The following BNC2 variants were observed in gnomAD, a reference collection of about 807,000 sequenced individuals.
The protein encoded by BNC2 is zinc finger protein basonuclin-2.
In BNC2, 20 loss-of-function variants were observed where a neutral mutation model predicts 76.3. That is an observed-to-expected ratio of 0.26 (90% CI 0.18 to 0.38). The LOEUF (loss-of-function observed/expected upper bound fraction) is 0.38, where lower values mean the gene tolerates loss of function less well. Among genes scored for constraint, BNC2 ranks in the 10% least tolerant of loss-of-function variants. The pLI is 1.00. For missense variants in BNC2, 1,382 were observed against 1,399.8 expected (o/e 0.99, Z 0.20); for synonymous variants, 582 against 514.8 (o/e 1.13, Z -1.77).
intron 1 of BNC2, among the ~76,000 whole-genome samples, chr9:16,834,199 A>AG (rs1352305253): frequency 1.3e-5 from 2 of 151,480 alleles, no homozygotes; most frequent in South Asian, 2.1e-4. Flanking sequence ...GGCCAGTCAA[A>AG]AAAAAAATCC....
In BNC2 at chr9:16,418,688, G is replaced by GTGTGTA. The variant is rs1247302842; in HGVS notation, c.*300_*301insTACACA. The GTGTGTA allele has an allele frequency of 3.0e-6, 1 of 337,450 alleles. No homozygotes were observed. Among genetic ancestry groups the GTGTGTA allele is most frequent in the South Asian group, 2.9e-5 (1 of 34,384 alleles). 20.9% of individuals were successfully genotyped at this position (337,450 alleles called of 1,614,324 possible). ...ACTGTGTGTGTGTGTGTGTGTGTGT[G>GTGTGTA]TGTATGTGCATGTGTGTGTGTGTGT... is the stretch of plus-strand genomic sequence containing the variant. On this transcript the variant is annotated 3_prime_UTR_variant, in exon 7 of 7. Coordinates refer to ENST00000380672, the MANE Select transcript of BNC2 (RefSeq NM_017637.6).
chr9:16,767,735 T>C (rs541239630), intron 1 of BNC2, among the ~76,000 whole-genome samples: 2 of 152,312 alleles, frequency 1.3e-5, no homozygotes, highest in East Asian at 1.9e-4. Flanking sequence ...AACAGTATAA[T>C]AGCCCCTCTG....
chr9:16,530,893 C>G (rs568868278), intron 5 of BNC2, among the ~76,000 whole-genome samples: 1 of 152,236 alleles, frequency 6.6e-6, no homozygotes, highest in East Asian at 1.9e-4. Flanking sequence ...TGCAGCAGGG[C>G]TCACGGTGCC....
chr9:16,785,190 T>A (rs1360382903), intron 1 of BNC2, among the ~76,000 whole-genome samples: 5 of 152,212 alleles, frequency 3.3e-5, no homozygotes, highest in Non-Finnish European at 7.3e-5. Context: ...TCCACATTTA[T>A]GCTCTCATTG....
intron 1 of BNC2, among the ~76,000 whole-genome samples, chr9:16,829,968 A>G (rs75403906): frequency 0.017 from 2,553 of 152,276 alleles, 83 homozygotes; most frequent in African/African-American, 0.059. Context: ...TTCTACTCCA[A>G]TCATTTGTAG....
intron 5 of BNC2, among the ~76,000 whole-genome samples, chr9:16,525,022 GT>G (rs1331806341): frequency 6.7e-6 from 1 of 149,334 alleles, no homozygotes; most frequent in African/African-American, 2.4e-5. Context: ...GCAGTGAGCT[GT>G]GATAGCGCCA....
At chr9:16,658,332 G>A (rs1262902490) in intron 3 of BNC2, among the ~76,000 whole-genome samples, 1 of 152,038 alleles carries the variant, frequency 6.6e-6, no homozygotes. Flanking sequence ...GTAAGGGAGA[G>A]GGGGAAAAAA....
chr9:16,842,439 T>C lies in BNC2; in HGVS notation c.3+28207A>G, dbSNP rs77099830. ...CATAAATATTATTATACCTATTTTATAGAAAACAGTGGGTCAAAAAGTAAA... is the reference window on the plus strand; with the variant it reads ...CATAAATATTATTATACCTATTTTACAGAAAACAGTGGGTCAAAAAGTAAA... On this transcript the variant is annotated intron_variant, in intron 1 of 6. Coordinates refer to ENST00000380672, the MANE Select transcript of BNC2 (RefSeq NM_017637.6). Among the ~76,000 whole-genome samples, 449 of 152,288 alleles carry C rather than the reference T, an allele frequency of 2.9e-3. 1 individual carries two copies. Among genetic ancestry groups the C allele is most frequent in the African/African-American group, 9.9e-3 (412 of 41,542 alleles).
chr9:16,829,026 G>A (rs561963199), intron 1 of BNC2, among the ~76,000 whole-genome samples: 2 of 152,270 alleles, frequency 1.3e-5, no homozygotes, highest in Non-Finnish European at 2.9e-5. Flanking sequence ...GCAGAAGGGA[G>A]GCGAGCCAGG....
intron 3 of BNC2, among the ~76,000 whole-genome samples, chr9:16,606,131 A>T (rs879921164): frequency 6.6e-6 from 1 of 152,212 alleles, no homozygotes; most frequent in African/African-American, 2.4e-5. Context: ...GCAACATTTG[A>T]GTCCTAAGTA....
At chr9:16,471,960 G>A (rs553701171) in intron 5 of BNC2, among the ~76,000 whole-genome samples, 2 of 152,108 alleles carry the variant, frequency 1.3e-5, no homozygotes, top group Non-Finnish European at 1.5e-5. Context: ...TTCTGCTTTT[G>A]CTTCTTCCTC....
chr9:16,521,650 TA>T (rs886377333), intron 5 of BNC2, among the ~76,000 whole-genome samples: 26 of 152,204 alleles, frequency 1.7e-4, no homozygotes, highest in African/African-American at 6.3e-4. Context: ...TTTTGACATG[TA>T]TTTTACGTTT....
chr9:16,622,548 C>T (rs540795119), intron 3 of BNC2, among the ~76,000 whole-genome samples: 16 of 152,144 alleles, frequency 1.1e-4, no homozygotes, highest in Non-Finnish European at 1.9e-4. Flanking sequence ...GTTACCAAAG[C>T]CTCAGAGAAG....
intron 1 of BNC2, among the ~76,000 whole-genome samples, chr9:16,855,214 A>G (rs1470562026): frequency 6.6e-6 from 1 of 152,104 alleles, no homozygotes; most frequent in Admixed American, 6.5e-5. Flanking sequence ...ATCTTTCTCA[A>G]TGGTATGTTA....
intron 5 of BNC2, among the ~76,000 whole-genome samples, chr9:16,545,798 G>C (rs544235020): frequency 6.6e-6 from 1 of 152,068 alleles, no homozygotes; most frequent in Admixed American, 6.6e-5. Flanking sequence ...ATCCCACAGA[G>C]AACCTTCATC....
chr9:16,567,238 G>A (rs959243075), intron 4 of BNC2, among the ~76,000 whole-genome samples: 2 of 152,192 alleles, frequency 1.3e-5, no homozygotes, highest in Admixed American at 6.5e-5. Context: ...GACAACAGCT[G>A]AGATTTCTGT....
chr9:16,583,009 T>C lies in BNC2; in HGVS notation c.407A>G (p.Gln136Arg). ...ATGTGCCACCCAGCCATGTTTACAC[T>C]GATCACAAGTCCTCAGGTTAATCTT... ...PGKINLRTCD[Q>R]CKHGWVAHAL... is the part of the protein sequence containing the mutation. The change falls in exon 4 of 7, where the codon CAG becomes CGG. Residue 136 changes from glutamine (Q) to arginine (R), a missense_variant. Gln to Arg is a conservative substitution (Grantham distance 43). Around this residue, in one of 3 missense-constraint regions of BNC2, gnomAD observed 557 missense variants for 540.9 expected, o/e 1.03. Coordinates refer to ENST00000380672, the MANE Select transcript of BNC2 (RefSeq NM_017637.6). The C allele has an allele frequency of 6.2e-7, 1 of 1,613,614 alleles. No homozygotes were observed.
chr9:16,482,204 G>C (rs1272901938), intron 5 of BNC2, among the ~76,000 whole-genome samples: 3 of 152,254 alleles, frequency 2.0e-5, no homozygotes, highest in East Asian at 1.9e-4. Context: ...GTTTTCAAAA[G>C]AATAAGTTTA....
chr9:16,672,283 G>A (rs927895511), intron 3 of BNC2, among the ~76,000 whole-genome samples: 2 of 152,202 alleles, frequency 1.3e-5, no homozygotes, highest in African/African-American at 2.4e-5. Flanking sequence ...GGATCACGAG[G>A]TCAGGAGATC....
Sources: gnomAD v4.1 joint callset for allele counts (sites outside exome capture counted in the v4.1 genomes callset) on GRCh38, gnomAD v4.1.1 for gene constraint, gnomAD v4.1.1 regional missense constraint, MANE v1.5 for transcripts, NCBI Gene and HGNC (gene_info 2026-07-23, HGNC 2026-07-21) for gene names.